NPEPL1: variants seen among roughly 807,000 people sequenced by gnomAD.
NPEPL1 encodes the protein aminopeptidase like 1, also known as probable aminopeptidase NPEPL1.
NPEPL1 carries 45 observed loss-of-function variants against 52.4 expected under a neutral mutation model. The observed-to-expected ratio is 0.86, with a 90% CI of 0.68 to 1.10. NPEPL1 has a LOEUF of 1.10. Among genes scored for constraint, NPEPL1 ranks in the 50% least tolerant of loss-of-function variants. NPEPL1 has a pLI of 0.00. For missense variants in NPEPL1, 696 were observed against 710.9 expected, an observed-to-expected ratio of 0.98 and a Z score of 0.24; for synonymous variants, 360 against 314.7, an observed-to-expected ratio of 1.14 and a Z score of -1.52.
chr20:58,692,090 G>T, upstream of NPEPL1: 1 of 498,478 alleles, frequency 2.0e-6, no homozygotes, highest in East Asian at 3.2e-5. The surrounding 1 kb of genome is among the most constrained non-coding windows in gnomAD (Gnocchi z 5.7). Context: ...CTTAGACTGT[G>T]CCAGATGACC....
chr20:58,691,696 T>TTTTTTTTTTTTTTTTC, upstream of NPEPL1: 1 of 154,996 alleles, frequency 6.5e-6, no homozygotes, highest in Non-Finnish European at 1.0e-5. Context: ...TTCTTTTCTT[T>TTTTTTTTTTTTTTTTC]TTTTTTTTTT....
rs1004918538 is a variant in NPEPL1, at chr20:58,707,329, C to T, written c.900+129C>T. Reference sequence around the variant, plus strand: ...CCGAGTCTCCCCAGCGGATGCTTGTCCCCCCTCTGCCCCCAGGCTCTTCTG... The same window carrying T: ...CCGAGTCTCCCCAGCGGATGCTTGTTCCCCCTCTGCCCCCAGGCTCTTCTG... On this transcript the variant is annotated intron_variant, in intron 7 of 11. Coordinates refer to ENST00000356091, the MANE Select transcript of NPEPL1 (RefSeq NM_024663.4). 3 of 824,244 alleles carry T rather than the reference C, an allele frequency of 3.6e-6. No homozygotes were observed. In the African/African-American group the frequency reaches 5.2e-5, roughly 14 times the overall value. The allele number at this position is 824,244 out of a possible 1,614,324, so 51.1% of individuals were successfully genotyped here. A position where few individuals can be genotyped will look rare whatever the true frequency, so the allele number is the denominator to read the frequency against.
upstream of NPEPL1, chr20:58,689,287 CAG>C (rs780723612): frequency 2.0e-5 from 3 of 151,916 alleles, no homozygotes; most frequent in East Asian, 1.9e-4. Flanking sequence ...TTTGTAGAGA[CAG>C]AGTCTCTGTC....
chr20:58,707,006 G>T, intron 6 of NPEPL1, 117 bp from the exon 7 acceptor site: 1 of 1,067,120 alleles, frequency 9.4e-7, no homozygotes, highest in Non-Finnish European at 1.4e-6. Context: ...GGCTGCCCAG[G>T]CCTGAGAGCT....
chr20:58,700,445 T>C (rs2084591660), intron 5 of NPEPL1, among the ~76,000 whole-genome samples: 1 of 152,136 alleles, frequency 6.6e-6, no homozygotes, highest in Non-Finnish European at 1.5e-5. Context: ...ACAGGATGAG[T>C]TGGAGTTTGT....
intron 3 of NPEPL1, 140 bp from the exon 4 acceptor site, chr20:58,698,544 C>A: frequency 1.4e-6 from 1 of 731,264 alleles, no homozygotes; most frequent in Non-Finnish European, 2.4e-6. Context: ...AGCCATGGTC[C>A]CCCTCTCCCC....
intron 6 of NPEPL1, chr20:58,703,317 G>A (rs541401481): frequency 3.2e-4 from 86 of 270,188 alleles, no homozygotes; most frequent in African/African-American, 5.8e-4. Context: ...ACAGATTTTC[G>A]GAGGAGGAAT....
rs747238818 is a variant in NPEPL1, at chr20:58,698,789, A to G, written c.597+16A>G. On this transcript the variant is annotated intron_variant, in intron 4 of 11. Transcript: ENST00000356091. ...CTTCCTCGAGGTTTGTGGCGTCATC[A>G]GGCCGGGGGTGGGACCAGGCTGGGG... 4.0e-5 allele frequency: 64 copies of G among 1,605,794 alleles called. 1 individual carries two copies. Among genetic ancestry groups the G allele is most frequent in the Admixed American group, 5.0e-5 (3 of 59,928 alleles).
intron 7 of NPEPL1, among the ~76,000 whole-genome samples, chr20:58,708,720 CCCT>C (rs1315836473): frequency 2.0e-5 from 3 of 152,222 alleles, no homozygotes; most frequent in Non-Finnish European, 2.9e-5. Context: ...CACTACCTGG[CCCT>C]CCTCCTTGCC....
chr20:58,713,123 G>A lies in NPEPL1; in HGVS notation c.1002-297G>A, dbSNP rs1048599596. On this transcript the variant is annotated intron_variant, in intron 8 of 11. Coordinates refer to ENST00000356091, the MANE Select transcript of NPEPL1 (RefSeq NM_024663.4). This position sits in a 1 kb window ranked among gnomAD's most constrained non-coding sequence, Gnocchi z 4.6. ...GCACAGTGTGCTGAAGGCCAGCCCA[G>A]CCGGTTCATGCCACCCACTTTACAG... The A allele has an allele frequency of 2.0e-5, 8 of 401,146 alleles. No individual in the cohort carries two copies. Among genetic ancestry groups the A allele is most frequent in the Non-Finnish European group, 3.7e-5 (8 of 216,408 alleles). The allele number at this position is 401,146 out of a possible 1,614,324, so 24.8% of individuals were successfully genotyped here. A position where few individuals can be genotyped will look rare whatever the true frequency, so the allele number is the denominator to read the frequency against.
intron 3 of NPEPL1, among the ~76,000 whole-genome samples, chr20:58,696,772 A>C (rs540250620): frequency 1.4e-4 from 22 of 152,244 alleles, no homozygotes; most frequent in Non-Finnish European, 2.6e-4. Context: ...CCCTGCGCTG[A>C]GGCAGGAGTG....
rs745858032 is a variant in NPEPL1 at position 58,713,945 on chromosome 20, C to G, written c.1154C>G (p.Ala385Gly). Residue 385 changes from alanine to glycine, a missense_variant, in exon 10 of 12, where the codon GCG becomes GGG. Coordinates refer to ENST00000356091, the MANE Select transcript of NPEPL1 (RefSeq NM_024663.4). The surrounding 1 kb of genome is among the most constrained non-coding windows in gnomAD (Gnocchi z 4.6). ...ATTGCCACAGGGAAGTACCACGCCG[C>G]GGTGCTCACCAACAGCGCTGAGTGG... ...QGIATGKYHAAVLTNSAEWEA... is the reference protein window; with the variant it reads ...QGIATGKYHAGVLTNSAEWEA... 9.3e-6 allele frequency: 14 copies of G among 1,507,326 alleles called. No homozygotes were observed. The South Asian group carries it at 1.8e-4, about 20-fold the overall frequency. 93.4% of individuals were successfully genotyped at this position (1,507,326 alleles called of 1,614,324 possible). A position where few individuals can be genotyped will look rare whatever the true frequency, so the allele number is the denominator to read the frequency against.
chr20:58,712,836 T>G (rs1374439506), intron 8 of NPEPL1: 2 of 577,346 alleles, frequency 3.5e-6, no homozygotes, highest in Non-Finnish European at 6.4e-6. Context: ...CTACCCTGCA[T>G]TACCAGGACA....
rs761609855 is a variant in NPEPL1, at chr20:58,701,023, T to C, written c.687T>C (p.Tyr229=). 2 of 1,587,474 alleles carry C rather than the reference T, an allele frequency of 1.3e-6. No individual in the cohort carries two copies. The highest frequency in any genetic ancestry group is 1.7e-6 in the Non-Finnish European group (2 of 1,167,392). ...ELKTRGFGGI[Y]GVGKAALHPP... ...TCCCCACGCTTTCCATAGGAATCTA[T>C]GGGGTTGGCAAAGCCGCCCTGCATC... Residue 229 remains tyrosine, a synonymous_variant, in exon 6 of 12, where the codon TAT becomes TAC. Transcript: ENST00000356091.
chr20:58,712,448 A>G lies in NPEPL1; in HGVS notation c.901-31A>G, dbSNP rs750563713. On this transcript the variant is annotated intron_variant, in intron 7 of 11. Coordinates refer to ENST00000356091, the MANE Select transcript of NPEPL1 (RefSeq NM_024663.4). ...CCCCCTCCCCAAACCTATGACCTAC[A>G]ACTGGAGCCTCTGCCCACTTCTCCC... The G allele has an allele frequency of 6.3e-5, 95 of 1,500,834 alleles. No individual in the cohort carries two copies. The South Asian group carries it at 9.8e-4, about 16-fold the overall frequency. 93.0% of individuals were successfully genotyped at this position (1,500,834 alleles called of 1,614,324 possible).
chr20:58,698,023 G>A (rs536904532), intron 3 of NPEPL1, among the ~76,000 whole-genome samples: 7 of 152,346 alleles, frequency 4.6e-5, no homozygotes, highest in South Asian at 4.1e-4. Context: ...GCCCAGAACC[G>A]TGCTGTGTCA....
At chr20:58,714,453 G>A in intron 10 of NPEPL1, 107 bp from the exon 11 acceptor site, 2 of 798,112 alleles carry the variant, frequency 2.5e-6, no homozygotes, top group Non-Finnish European at 3.9e-6. Context: ...CTCCCTCCCA[G>A]CCACCCCGAG....
intron 5 of NPEPL1, 83 bp downstream of exon 5, chr20:58,699,361 A>T (rs2084563219): frequency 3.9e-6 from 4 of 1,020,150 alleles, no homozygotes; most frequent in Non-Finnish European, 5.8e-6. Context: ...GGCGGGCCAC[A>T]TGGCACATTG....
chr20:58,714,552 C>A lies in NPEPL1; in HGVS notation c.1303-8C>A, dbSNP rs941431105. Reference sequence around the variant, plus strand: ...CCCACAGGCACTGTGTCCTCCTGGCCTCCCTAGGACCGAGACAACAGCCCC... The same window carrying A: ...CCCACAGGCACTGTGTCCTCCTGGCATCCCTAGGACCGAGACAACAGCCCC... On this transcript the variant is annotated splice_polypyrimidine_tract_variant and splice_region_variant and intron_variant, in intron 10 of 11. Transcript: ENST00000356091. 11 of 1,564,788 alleles carry A rather than the reference C, an allele frequency of 7.0e-6. No homozygotes were observed. The highest frequency in any genetic ancestry group is 8.6e-6 in the Non-Finnish European group (10 of 1,158,508).
Sources: allele counts gnomAD v4.1 joint callset (sites outside exome capture counted in the v4.1 genomes callset), GRCh38; gene constraint gnomAD v4.1.1; non-coding constraint Gnocchi (gnomAD v3.1); transcripts MANE v1.5; gene names NCBI Gene and HGNC (gene_info 2026-07-23, HGNC 2026-07-21).